USP32: variants seen among roughly 807,000 people sequenced by gnomAD.
The protein encoded by USP32 is ubiquitin carboxyl-terminal hydrolase 32.
In USP32, 59 loss-of-function variants were observed where a neutral mutation model predicts 204.8. That is an observed-to-expected ratio of 0.29 (90% CI 0.23 to 0.36). The LOEUF (loss-of-function observed/expected upper bound fraction) is 0.36. USP32 is among the 10% of genes least tolerant of loss of function. USP32 has a pLI of 1.00. For missense variants in USP32, 1,160 were observed against 1,946.4 expected, an observed-to-expected ratio of 0.60 and a Z score of 7.60; for synonymous variants, 517 against 678.4, an observed-to-expected ratio of 0.76 and a Z score of 3.70.
chr17:60,226,562 T>C (rs139993416), intron 12 of USP32, among the ~76,000 whole-genome samples: 50 of 152,326 alleles, frequency 3.3e-4, no homozygotes, highest in African/African-American at 1.2e-3. Context: ...TTTCCCATAG[T>C]ACATGAATGT....
At chr17:60,272,778 T>A (rs1268185896) in intron 5 of USP32, among the ~76,000 whole-genome samples, 1 of 152,032 alleles carries the variant, frequency 6.6e-6, no homozygotes. Flanking sequence ...TTTCATTGAG[T>A]TAAGAAGATA....
At chr17:60,222,616 C>T in intron 14 of USP32, 67 bp from the exon 15 acceptor site, 1 of 1,495,376 alleles carries the variant, frequency 6.7e-7, no homozygotes, top group East Asian at 2.3e-5. Flanking sequence ...TCAGCAATAC[C>T]TAGAAACAGG....
intron 1 of USP32, chr17:60,421,581 G>A: frequency 2.0e-6 from 2 of 985,162 alleles, no homozygotes; most frequent in Non-Finnish European, 2.4e-6. Flanking sequence ...GGTGGCTCGA[G>A]TGAGGAAACT....
intron 1 of USP32, among the ~76,000 whole-genome samples, chr17:60,353,538 C>A (rs1243283466): frequency 6.6e-6 from 1 of 152,024 alleles, no homozygotes. Context: ...GCCAGGAGTT[C>A]GAGACCAGCT....
At chr17:60,362,384 T>C (rs2089227605) in intron 1 of USP32, among the ~76,000 whole-genome samples, 2 of 152,176 alleles carry the variant, frequency 1.3e-5, no homozygotes, top group Non-Finnish European at 2.9e-5. Flanking sequence ...GTTGGATGGG[T>C]TTTCCTCTAC....
intron 26 of USP32, among the ~76,000 whole-genome samples, chr17:60,201,221 T>C (rs942840546): frequency 6.6e-6 from 1 of 152,200 alleles, no homozygotes; most frequent in Non-Finnish European, 1.5e-5. Flanking sequence ...TTATACTCTA[T>C]ATAACTACAA....
At chr17:60,355,011 C>T (rs544721839) in intron 1 of USP32, among the ~76,000 whole-genome samples, 10 of 152,218 alleles carry the variant, frequency 6.6e-5, no homozygotes, top group African/African-American at 2.4e-4. Flanking sequence ...GCCACCGCAC[C>T]CCAGCCTGGG....
upstream of USP32, chr17:60,392,197 T>C: frequency 2.5e-6 from 1 of 396,150 alleles, no homozygotes; most frequent in Non-Finnish European, 4.6e-6. Context: ...CTCTCTCTCC[T>C]CCCTCTCCTT....
At chr17:60,351,680 G>A (rs552367870) in intron 1 of USP32, among the ~76,000 whole-genome samples, 22 of 152,038 alleles carry the variant, frequency 1.4e-4, no homozygotes, top group Admixed American at 2.6e-4. Flanking sequence ...CACCTCCCTC[G>A]GCCTCGCAAA....
chr17:60,400,372 T>C (rs1355584820), intron 1 of USP32, among the ~76,000 whole-genome samples: 1 of 152,206 alleles, frequency 6.6e-6, no homozygotes, highest in African/African-American at 2.4e-5. Context: ...AGGGGGCGAC[T>C]GCATTAATCC....
intron 1 of USP32, among the ~76,000 whole-genome samples, chr17:60,352,631 T>C (rs2088974705): frequency 6.6e-6 from 1 of 152,126 alleles, no homozygotes; most frequent in East Asian, 1.9e-4. Context: ...AACAATCAGG[T>C]TTACATGCAC....
At position 60,223,402 on chromosome 17, in the gene USP32, ATTAC is replaced by A; in HGVS notation, c.1608+5_1608+8del. The A allele has an allele frequency of 6.3e-7, 1 of 1,597,178 alleles. No individual in the cohort carries two copies. Among genetic ancestry groups the A allele is most frequent in the East Asian group, 2.2e-5 (1 of 44,810 alleles). ...GAATAATTTTAAGTTTAGATGTAAA[ATTAC>A]TTACCTTTACTGGTTCTTGAGTTAC... On this transcript the variant is annotated splice_donor_5th_base_variant and intron_variant, in intron 14 of 33. Transcript: ENST00000300896.
chr17:60,191,061 C>T (rs747964018), intron 28 of USP32, among the ~76,000 whole-genome samples: 50 of 152,124 alleles, frequency 3.3e-4, no homozygotes, highest in Admixed American at 8.5e-4. Flanking sequence ...TCTGGTGTAA[C>T]ACCTAGCTCC....
chr17:60,229,945 C>T (rs2085502165), intron 12 of USP32, among the ~76,000 whole-genome samples: 1 of 152,102 alleles, frequency 6.6e-6, no homozygotes, highest in Admixed American at 6.5e-5. Flanking sequence ...TCCGGAGTAG[C>T]TGGGATTACA....
chr17:60,360,194 G>A (rs915592879), intron 1 of USP32, among the ~76,000 whole-genome samples: 1 of 152,012 alleles, frequency 6.6e-6, no homozygotes, highest in African/African-American at 2.4e-5. Context: ...CTTAAACCTG[G>A]CCAGGCACAG....
At chr17:60,328,495 C>T (rs943545770) in intron 2 of USP32, among the ~76,000 whole-genome samples, 4 of 152,228 alleles carry the variant, frequency 2.6e-5, no homozygotes, top group African/African-American at 9.6e-5. Context: ...CTCAATAAAG[C>T]TCCTCTTCAT....
At chr17:60,336,687 G>C (rs532102054) in intron 2 of USP32, among the ~76,000 whole-genome samples, 23 of 141,852 alleles carry the variant, frequency 1.6e-4, no homozygotes, top group Non-Finnish European at 2.7e-4. Flanking sequence ...CTGCACTCCA[G>C]CCTGGGAGAC....
chr17:60,288,594 C>T lies in USP32; in HGVS notation c.500G>A (p.Gly167Asp), dbSNP rs199894903. ...FTFSRWLLSGGVYVTLTDDSD... is the reference protein window; with the variant it reads ...FTFSRWLLSGDVYVTLTDDSD... ...ATCATCAGTGAGGGTAACATACACA[C>T]CTCCAGATAGAAGCCATCGAGAGAA... Residue 167 changes from glycine to aspartate, a missense_variant, in exon 5 of 34, where the codon GGT (glycine) becomes GAT (aspartate). Gly to Asp is a moderately conservative substitution (Grantham distance 94). This residue lies in a region of USP32 where 536 missense variants were observed against 680.9 expected (regional missense o/e 0.79). Coordinates refer to ENST00000300896, the MANE Select transcript of USP32 (RefSeq NM_032582.4). 425 of 1,613,508 alleles carry T rather than the reference C, an allele frequency of 2.6e-4. 1 individual carries two copies. The highest frequency in any genetic ancestry group is 3.4e-4 in the Non-Finnish European group (401 of 1,179,816).
chr17:60,410,795 T>C (rs1425622505), intron 1 of USP32, among the ~76,000 whole-genome samples: 2 of 151,554 alleles, frequency 1.3e-5, no homozygotes, highest in African/African-American at 4.9e-5. Flanking sequence ...AAATAGAAAC[T>C]GTCGGCTGGG....
Sources: gnomAD v4.1 joint callset for allele counts (sites outside exome capture counted in the v4.1 genomes callset) on GRCh38, gnomAD v4.1.1 for gene constraint, gnomAD v4.1.1 regional missense constraint, MANE v1.5 for transcripts, NCBI Gene and HGNC (gene_info 2026-07-23, HGNC 2026-07-21) for gene names.